The following CNTN5 variants were observed in gnomAD, a reference collection of about 807,000 sequenced individuals.
CNTN5 encodes the protein contactin 5, also known as contactin-5.
A neutral mutation model predicts 129.1 loss-of-function variants in CNTN5; 77 were observed. The ratio of observed to expected loss-of-function variants is 0.60; its 90% CI spans 0.50 to 0.72. CNTN5 has a LOEUF of 0.72. Ranked by LOEUF, CNTN5 falls within the 30% of genes least tolerant of loss-of-function variation. CNTN5 has a pLI of 0.00. For synonymous variants in CNTN5, 509 were observed against 465.6 expected, an observed-to-expected ratio of 1.09 and a Z score of -1.20; for missense variants, 1,478 against 1,328.8, an observed-to-expected ratio of 1.11 and a Z score of -1.75.
chr11:100,021,928 G>GGA (rs781228637), intron 9 of CNTN5, among the ~76,000 whole-genome samples: 6 of 152,294 alleles, frequency 3.9e-5, no homozygotes, highest in Non-Finnish European at 8.8e-5. Flanking sequence ...AACCAGCACA[G>GGA]GAGAAAGATG....
chr11:100,008,254 G>A (rs558596836), intron 9 of CNTN5, among the ~76,000 whole-genome samples: 2 of 152,164 alleles, frequency 1.3e-5, no homozygotes, highest in Admixed American at 6.6e-5. Flanking sequence ...GAAAAATTGT[G>A]CCAGTAGATT....
chr11:99,192,947 G>C (rs1023587508), intron 1 of CNTN5, among the ~76,000 whole-genome samples: 1 of 151,988 alleles, frequency 6.6e-6, no homozygotes, highest in Non-Finnish European at 1.5e-5. Flanking sequence ...TTTGGCATTT[G>C]TGTATTGTAC....
chr11:99,795,228 G>T (rs894779643), intron 3 of CNTN5, among the ~76,000 whole-genome samples: 62 of 152,166 alleles, frequency 4.1e-4, no homozygotes, highest in African/African-American at 1.5e-3. Context: ...TAACACTTGT[G>T]ATTGTATTAT....
chr11:99,279,340 C>T (rs1306838387), intron 1 of CNTN5, among the ~76,000 whole-genome samples: 1 of 151,780 alleles, frequency 6.6e-6, no homozygotes, highest in African/African-American at 2.4e-5. Flanking sequence ...ACTTAGGTTG[C>T]TAGAAATATT....
chr11:99,362,221 C>A (rs558522233), intron 2 of CNTN5, among the ~76,000 whole-genome samples: 2 of 152,074 alleles, frequency 1.3e-5, no homozygotes, highest in African/African-American at 4.8e-5. Flanking sequence ...GATTTGCTGT[C>A]CCTTAGTGAC....
intron 2 of CNTN5, among the ~76,000 whole-genome samples, chr11:99,464,863 T>A (rs2135250177): frequency 1.3e-5 from 2 of 152,292 alleles, no homozygotes; most frequent in Admixed American, 1.3e-4. Flanking sequence ...AACCAACTCA[T>A]TTCACCTCAA....
At chr11:100,213,606 T>A (rs2138594137) in intron 15 of CNTN5, among the ~76,000 whole-genome samples, 1 of 152,332 alleles carries the variant, frequency 6.6e-6, no homozygotes, top group South Asian at 2.1e-4. Flanking sequence ...TCAGTTAAAT[T>A]TGACTGAGTG....
At chr11:99,062,399 TTTTG>T (rs566566413) in intron 1 of CNTN5, among the ~76,000 whole-genome samples, 76 of 152,282 alleles carry the variant, frequency 5.0e-4, no homozygotes, top group African/African-American at 1.8e-3. Context: ...TCAGCAAATA[TTTTG>T]ACCATTTAAC....
At chr11:99,919,423 C>T (rs545513417) in intron 7 of CNTN5, among the ~76,000 whole-genome samples, 6 of 152,270 alleles carry the variant, frequency 3.9e-5, no homozygotes, top group Middle Eastern at 3.4e-3. Flanking sequence ...AAAACTCCAT[C>T]GGCCAATGCC....
chr11:100,166,765 GA>G lies in CNTN5; in HGVS notation c.1581-24356del, dbSNP rs1947650698. 2.0e-5 allele frequency among the ~76,000 whole-genome samples: 3 copies of G among 151,756 alleles called. 1 individual carries two copies. The highest frequency in any genetic ancestry group is 1.3e-4 in the Admixed American group (2 of 15,188). On this transcript the variant is annotated intron_variant, in intron 13 of 24. Coordinates refer to ENST00000524871, the MANE Select transcript of CNTN5 (RefSeq NM_014361.4). ...ATTTGTGTACACTTAACAGTATCTT[GA>G]AAAATTGTCTTACCTGGTGGATTCT...
chr11:100,030,232 G>T (rs1327682213), intron 9 of CNTN5, among the ~76,000 whole-genome samples: 5 of 151,524 alleles, frequency 3.3e-5, no homozygotes, highest in Non-Finnish European at 5.9e-5. Flanking sequence ...AAAAATTAAA[G>T]ACTAGCTATA....
At chr11:99,269,863 G>C (rs1218823997) in intron 1 of CNTN5, among the ~76,000 whole-genome samples, 2 of 151,808 alleles carry the variant, frequency 1.3e-5, no homozygotes, top group Non-Finnish European at 2.9e-5. Context: ...ATAAGTGACT[G>C]TTTTATATTA....
intron 6 of CNTN5, among the ~76,000 whole-genome samples, chr11:99,913,194 T>C (rs2136000503): frequency 6.6e-6 from 1 of 152,150 alleles, no homozygotes; most frequent in Non-Finnish European, 1.5e-5. Flanking sequence ...CTTTCTCTTC[T>C]TAGTGAGAGA....
chr11:99,782,071 GA>G (rs1945331303), intron 3 of CNTN5, among the ~76,000 whole-genome samples: 2 of 150,948 alleles, frequency 1.3e-5, no homozygotes, highest in African/African-American at 4.9e-5. Flanking sequence ...TGTATATCTA[GA>G]AAACCCCATC....
chr11:100,351,377 T>A (rs776688452), intron 24 of CNTN5, among the ~76,000 whole-genome samples: 5 of 151,570 alleles, frequency 3.3e-5, no homozygotes, highest in Non-Finnish European at 5.9e-5. Flanking sequence ...CCTTATTATA[T>A]GTCAGGCATG....
intron 1 of CNTN5, among the ~76,000 whole-genome samples, chr11:99,164,122 T>G (rs1221562147): frequency 2.0e-5 from 3 of 152,008 alleles, no homozygotes; most frequent in Non-Finnish European, 4.4e-5. Context: ...GGTTAGGAGT[T>G]CAAGACCAGC....
At chr11:100,286,750 G>T (rs1462552963) in intron 18 of CNTN5, among the ~76,000 whole-genome samples, 7 of 145,408 alleles carry the variant, frequency 4.8e-5, no homozygotes, top group South Asian at 2.2e-4. Flanking sequence ...AACAAAGCTG[G>T]ATGGAGAATG....
chr11:100,301,437 T>G (rs1951218195), intron 20 of CNTN5, among the ~76,000 whole-genome samples: 1 of 151,726 alleles, frequency 6.6e-6, no homozygotes, highest in East Asian at 1.9e-4. Context: ...AAAATATGCA[T>G]ATTTTCTTTT....
At chr11:99,122,310 T>A (rs1858382818) in intron 1 of CNTN5, among the ~76,000 whole-genome samples, 1 of 152,160 alleles carries the variant, frequency 6.6e-6, no homozygotes, top group Non-Finnish European at 1.5e-5. Flanking sequence ...ATAAAACCAT[T>A]CAATGAGTAC....
Sources: allele counts gnomAD v4.1 joint callset (sites outside exome capture counted in the v4.1 genomes callset), GRCh38; gene constraint gnomAD v4.1.1; transcripts MANE v1.5; gene names NCBI Gene and HGNC (gene_info 2026-07-23, HGNC 2026-07-21).